Variants in CCDC190 observed in about 807,000 individuals in gnomAD.
CCDC190 encodes the protein coiled-coil domain containing 190.
In CCDC190, 10 loss-of-function variants were observed where a neutral mutation model predicts 13.1. The observed-to-expected ratio is 0.77, with a 90% confidence interval of 0.47 to 1.30. The LOEUF (loss-of-function observed/expected upper bound fraction) is 1.30, where lower values mean the gene tolerates loss of function less well. CCDC190 is among the 50% of genes most tolerant of loss of function. The probability of loss-of-function intolerance (pLI) is 0.00; values close to 1 mark genes in which losing one functional copy is unlikely to be tolerated. For missense variants in CCDC190, 375 were observed against 354.3 expected, an observed-to-expected ratio of 1.06 and a Z score of -0.47; for synonymous variants, 136 against 127.2, an observed-to-expected ratio of 1.07 and a Z score of -0.47.
upstream of CCDC190, among the ~76,000 whole-genome samples, chr1:162,861,640 C>A (rs1224985625): frequency 6.6e-6 from 1 of 152,186 alleles, no homozygotes; most frequent in Non-Finnish European, 1.5e-5. Context: ...GCTCAGAGCA[C>A]TTCGGTGCTT....
At chr1:162,855,419 C>A (rs979338024) in intron 3 of CCDC190, 60 bp from the exon 4 acceptor site, 1 of 1,521,858 alleles carries the variant, frequency 6.6e-7, no homozygotes, top group Non-Finnish European at 8.8e-7. Context: ...TTCTTTAGAC[C>A]TTTCAACTTA....
intron 2 of CCDC190, among the ~76,000 whole-genome samples, chr1:162,857,750 A>G (rs1650354470): frequency 6.6e-6 from 1 of 152,198 alleles, no homozygotes; most frequent in South Asian, 2.1e-4. Flanking sequence ...TGAAGAACTC[A>G]ATTAGCAGTT....
Position 162,854,120 on chromosome 1 carries a change from G to C in CCDC190, c.*645C>G. 1.5e-6 allele frequency: 1 copy of C among 683,376 alleles called. No homozygotes were observed. The highest frequency in any genetic ancestry group is 1.8e-6 in the Non-Finnish European group (1 of 554,384). The allele number at this position is 683,376 out of a possible 1,614,324, so 42.3% of individuals were successfully genotyped here. A position where few individuals can be genotyped will look rare whatever the true frequency, so the allele number is the denominator to read the frequency against. On this transcript the variant is annotated 3_prime_UTR_variant, in exon 4 of 4. Coordinates refer to ENST00000367912, the MANE Select transcript of CCDC190 (RefSeq NM_001394065.1). ...ACAGCATGTTGGGAGATGATTAAAA[G>C]TTTTTTAAATCCTTTGATTCTAGAA...
Position 162,861,070 on chromosome 1 carries a change from T to C in CCDC190, c.-75A>G. ...GTTTCTTTTGCTATGTCAGACTGAG[T>C]CTTGATTAATGAGCTTATTTTTCTT... is the stretch of plus-strand genomic sequence containing the variant. On this transcript the variant is annotated 5_prime_UTR_variant, in exon 1 of 4. Coordinates refer to ENST00000367912, the MANE Select transcript of CCDC190 (RefSeq NM_001394065.1). 1.0e-6 allele frequency: 1 copy of C among 969,078 alleles called. No individual in the cohort carries two copies. Among genetic ancestry groups the C allele is most frequent in the Non-Finnish European group, 1.2e-6 (1 of 815,166 alleles). The allele number at this position is 969,078 out of a possible 1,614,324, so 60.0% of individuals were successfully genotyped here. A position where few individuals can be genotyped will look rare whatever the true frequency, so the allele number is the denominator to read the frequency against.
chr1:162,864,503 C>A (rs1428455070), upstream of CCDC190, among the ~76,000 whole-genome samples: 1 of 152,168 alleles, frequency 6.6e-6, no homozygotes, highest in South Asian at 2.1e-4. Flanking sequence ...ATATAAATCT[C>A]TTTAAAATGT....
intron 1 of CCDC190, among the ~76,000 whole-genome samples, chr1:162,868,253 A>G (rs1229511701): frequency 6.6e-6 from 1 of 152,200 alleles, no homozygotes; most frequent in Non-Finnish European, 1.5e-5. Flanking sequence ...AAAGTGGTAA[A>G]CATGTGGGTA....
chr1:162,867,326 A>G (rs1039089988), intron 1 of CCDC190, among the ~76,000 whole-genome samples: 5 of 152,210 alleles, frequency 3.3e-5, no homozygotes, highest in African/African-American at 1.2e-4. Flanking sequence ...ACAAATGGCC[A>G]ATAAACAAAT....
Position 162,851,116 on chromosome 1 carries a change from C to A in CCDC190, c.*3649G>T, listed in dbSNP as rs1650092332. ...TCATCCAGTTTAAAGTCTTTCTTCT[C>A]CACCCGTGGAACTTCTGTTCTACTG... On this transcript the variant is annotated 3_prime_UTR_variant, in exon 4 of 4. Coordinates refer to ENST00000367912, the MANE Select transcript of CCDC190 (RefSeq NM_001394065.1). Among the ~76,000 whole-genome samples the A allele has an allele frequency of 6.6e-6, 1 of 152,052 alleles. No individual in the cohort carries two copies. The highest frequency in any genetic ancestry group is 1.5e-5 in the Non-Finnish European group (1 of 68,008).
Position 162,854,463 on chromosome 1 carries a change from T to C in CCDC190, c.*302A>G, listed in dbSNP as rs1448024450. ...TCTCCTAGAGGAAACAGGAAGTCCC[T>C]GAAAGCAAGACTGTTACTGTTTTCC... On this transcript the variant is annotated 3_prime_UTR_variant, in exon 4 of 4. Transcript: ENST00000367912. The C allele has an allele frequency of 1.8e-6, 2 of 1,107,476 alleles. No individual in the cohort carries two copies. Among genetic ancestry groups the C allele is most frequent in the Non-Finnish European group, 2.2e-6 (2 of 907,082 alleles). 68.6% of individuals were successfully genotyped at this position (1,107,476 alleles called of 1,614,324 possible).
upstream of CCDC190, among the ~76,000 whole-genome samples, chr1:162,863,749 A>C (rs968006678): frequency 1.3e-5 from 2 of 152,146 alleles, no homozygotes; most frequent in Non-Finnish European, 2.9e-5. Flanking sequence ...GGCCGGGCGC[A>C]GTGGCTCATG....
chr1:162,864,327 G>A (rs1291911052), upstream of CCDC190, among the ~76,000 whole-genome samples: 1 of 152,098 alleles, frequency 6.6e-6, no homozygotes. Flanking sequence ...TCACACAGAA[G>A]CTTAAATAAT....
intron 1 of CCDC190, among the ~76,000 whole-genome samples, chr1:162,859,988 A>C (rs145875768): frequency 5.1e-4 from 78 of 151,912 alleles, no homozygotes; most frequent in Middle Eastern, 3.4e-3. Flanking sequence ...GGCAGTCTAC[A>C]TATATAAGGC....
rs993267535 is a variant in CCDC190, at chr1:162,853,454, A to G, written c.*1311T>C. Among the ~76,000 whole-genome samples the G allele has an allele frequency of 1.1e-4, 16 of 152,256 alleles. No homozygotes were observed. The highest frequency in any genetic ancestry group is 3.9e-4 in the African/African-American group (16 of 41,462). On this transcript the variant is annotated 3_prime_UTR_variant, in exon 4 of 4. Transcript: ENST00000367912. ...GAGGTACTGAAAAATAGGAGCTATT[A>G]GGAATTACTATTTTTAAACACAAGG...
intron 2 of CCDC190, 64 bp downstream of exon 2, chr1:162,859,396 G>A: frequency 1.4e-6 from 2 of 1,454,826 alleles, no homozygotes; most frequent in Middle Eastern, 2.2e-4. Flanking sequence ...CCTCAGCGGA[G>A]TGATGGGCCT....
chr1:162,860,233 G>A (rs573706204), intron 1 of CCDC190, among the ~76,000 whole-genome samples: 1 of 152,280 alleles, frequency 6.6e-6, no homozygotes, highest in Non-Finnish European at 1.5e-5. Flanking sequence ...CTACTCTCAA[G>A]GGGCTTTCTC....
intron 1 of CCDC190, among the ~76,000 whole-genome samples, chr1:162,860,398 T>C (rs1650464862): frequency 6.6e-6 from 1 of 152,170 alleles, no homozygotes; most frequent in South Asian, 2.1e-4. Flanking sequence ...CCTCCCTCCA[T>C]GTACCCTGAT....
At chr1:162,858,009 C>A (rs1257436811) in intron 2 of CCDC190, among the ~76,000 whole-genome samples, 1 of 152,194 alleles carries the variant, frequency 6.6e-6, no homozygotes, top group East Asian at 1.9e-4. Flanking sequence ...TTAAATAATT[C>A]ACTCACTGGC....
rs547935812 is a variant in CCDC190 at position 162,852,073 on chromosome 1, C to T, written c.*2692G>A. 2.6e-5 allele frequency: 4 copies of T among 152,342 alleles called. No individual in the cohort carries two copies. The East Asian group carries it at 7.7e-4, about 29-fold the overall frequency. 9.4% of individuals were successfully genotyped at this position (152,342 alleles called of 1,614,324 possible). A position where few individuals can be genotyped will look rare whatever the true frequency, so the allele number is the denominator to read the frequency against. On this transcript the variant is annotated 3_prime_UTR_variant, in exon 4 of 4. Coordinates refer to ENST00000367912, the MANE Select transcript of CCDC190 (RefSeq NM_001394065.1). ...CCCTGATTTTCTGTCTCAGAAGGTT[C>T]TGTGAATATTTAATGTAATGGCACA...
chr1:162,855,963 GAC>G, intron 2 of CCDC190: 1 of 442,320 alleles, frequency 2.3e-6, no homozygotes, highest in East Asian at 4.2e-5. Flanking sequence ...AGAACACACA[GAC>G]ACACACAGGG....
Sources: gnomAD v4.1 joint callset for allele counts (sites outside exome capture counted in the v4.1 genomes callset) on GRCh38, gnomAD v4.1.1 for gene constraint, MANE v1.5 for transcripts, NCBI Gene and HGNC (gene_info 2026-07-23, HGNC 2026-07-21) for gene names.